Variants in STPG2 observed in about 807,000 individuals in gnomAD.
The protein encoded by STPG2 is sperm tail PG-rich repeat containing 2.
In STPG2, 56 loss-of-function variants were observed where a neutral mutation model predicts 54.2. That is an observed-to-expected ratio of 1.03 (90% confidence interval 0.83 to 1.29). STPG2 has a LOEUF of 1.29. Among genes scored for constraint, STPG2 ranks in the 50% most tolerant of loss-of-function variants. The probability of loss-of-function intolerance (pLI) is 0.00; values close to 1 mark genes in which losing one functional copy is unlikely to be tolerated. For missense variants in STPG2, 596 were observed against 544.9 expected (o/e 1.09, Z -0.93); for synonymous variants, 200 against 181.8 (o/e 1.10, Z -0.81).
At chr4:97,898,647 A>G (rs906165448) in intron 8 of STPG2, among the ~76,000 whole-genome samples, 3 of 151,728 alleles carry the variant, frequency 2.0e-5, no homozygotes, top group Non-Finnish European at 3.0e-5. Flanking sequence ...ATGAGGAGGC[A>G]TTTAGTTTTA....
At chr4:97,943,313 T>A (rs762697478) in intron 8 of STPG2, among the ~76,000 whole-genome samples, 16 of 152,150 alleles carry the variant, frequency 1.1e-4, no homozygotes, top group Non-Finnish European at 1.3e-4. Flanking sequence ...ACATTATCAC[T>A]GGGTCCAACT....
intron 10 of STPG2, among the ~76,000 whole-genome samples, chr4:97,581,293 G>A (rs769995777): frequency 1.3e-5 from 2 of 152,056 alleles, no homozygotes; most frequent in Non-Finnish European, 2.9e-5. Flanking sequence ...ACAAGCTTGG[G>A]CAGTTAGCAC....
chr4:98,081,374 T>C (rs762209453), intron 5 of STPG2, among the ~76,000 whole-genome samples: 2 of 152,080 alleles, frequency 1.3e-5, no homozygotes, highest in Non-Finnish European at 2.9e-5. Flanking sequence ...TCATCGTCCA[T>C]TGAGTTTCCA....
intron 9 of STPG2, among the ~76,000 whole-genome samples, chr4:97,738,865 A>G (rs1435516020): frequency 1.3e-5 from 2 of 152,340 alleles, no homozygotes; most frequent in African/African-American, 4.8e-5. Flanking sequence ...AGTGGACCTA[A>G]TAGACATCTA....
intron 8 of STPG2, among the ~76,000 whole-genome samples, chr4:97,863,034 G>C (rs991496650): frequency 5.4e-4 from 82 of 152,122 alleles, no homozygotes; most frequent in African/African-American, 1.9e-3. Flanking sequence ...ACAATTAAAA[G>C]AACTAGAGAA....
At chr4:97,680,935 T>C (rs1723013340) in intron 10 of STPG2, among the ~76,000 whole-genome samples, 1 of 152,040 alleles carries the variant, frequency 6.6e-6, no homozygotes, top group African/African-American at 2.4e-5. Flanking sequence ...AAATAGGAAT[T>C]TGACTTTAAT....
chr4:97,455,126 AG>A (rs1289026734), intron 4 of STPG2, among the ~76,000 whole-genome samples: 1 of 152,206 alleles, frequency 6.6e-6, no homozygotes, highest in African/African-American at 2.4e-5. Context: ...CACAGACCTC[AG>A]TGTAAAATGC....
At chr4:97,734,600 T>C (rs1255634054) in intron 9 of STPG2, among the ~76,000 whole-genome samples, 3 of 152,192 alleles carry the variant, frequency 2.0e-5, no homozygotes, top group Admixed American at 6.5e-5. Context: ...GTATATCACA[T>C]TGATAAGTTT....
chr4:97,814,543 C>A (rs1727850281), intron 9 of STPG2, among the ~76,000 whole-genome samples: 2 of 151,938 alleles, frequency 1.3e-5, no homozygotes, highest in Non-Finnish European at 2.9e-5. Context: ...GCTAAATGGT[C>A]AGTGTGATGG....
intron 9 of STPG2, among the ~76,000 whole-genome samples, chr4:97,807,740 C>T (rs930393265): frequency 6.6e-6 from 1 of 151,784 alleles, no homozygotes; most frequent in Non-Finnish European, 1.5e-5. Flanking sequence ...TGACTAAGAA[C>T]TTTCTAAAAC....
intron 10 of STPG2, among the ~76,000 whole-genome samples, chr4:97,619,317 T>C (rs1300735140): frequency 6.6e-6 from 1 of 152,108 alleles, no homozygotes; most frequent in Non-Finnish European, 1.5e-5. Context: ...GAAAACCTCA[T>C]TTTGTCCAAG....
chr4:97,741,760 T>C (rs1017325521), intron 9 of STPG2, among the ~76,000 whole-genome samples: 16 of 151,750 alleles, frequency 1.1e-4, no homozygotes, highest in Non-Finnish European at 2.1e-4. Flanking sequence ...TTTTACACTG[T>C]TGGTGGGACT....
At chr4:98,138,902 A>G (rs1220947184) in intron 1 of STPG2, among the ~76,000 whole-genome samples, 1 of 152,166 alleles carries the variant, frequency 6.6e-6, no homozygotes, top group Non-Finnish European at 1.5e-5. Context: ...TATACAGCTG[A>G]TATTTATTAC....
chr4:97,910,196 G>A (rs1417855837), intron 8 of STPG2, among the ~76,000 whole-genome samples: 3 of 152,092 alleles, frequency 2.0e-5, no homozygotes, highest in Admixed American at 6.5e-5. Context: ...ACTCACCACC[G>A]GGTGCTGCAG....
intron 4 of STPG2, among the ~76,000 whole-genome samples, chr4:97,509,242 TC>T (rs1173463721): frequency 6.6e-6 from 1 of 151,928 alleles, no homozygotes; most frequent in African/African-American, 2.4e-5. Context: ...TTTTTTTTTT[TC>T]CCCAGAATTC....
intron 3 of STPG2, among the ~76,000 whole-genome samples, chr4:98,123,024 T>C (rs1455889536): frequency 6.6e-6 from 1 of 152,178 alleles, no homozygotes; most frequent in Non-Finnish European, 1.5e-5. Context: ...TTTGTATTTC[T>C]GTGGGGTCAG....
chr4:97,873,090 C>T (rs1424456439), intron 8 of STPG2, among the ~76,000 whole-genome samples: 1 of 151,262 alleles, frequency 6.6e-6, no homozygotes, highest in East Asian at 1.9e-4. Flanking sequence ...ATGTACACAC[C>T]TATTACCTAT....
intron 8 of STPG2, among the ~76,000 whole-genome samples, chr4:97,906,677 T>C (rs1174002597): frequency 6.6e-6 from 1 of 151,966 alleles, no homozygotes; most frequent in Non-Finnish European, 1.5e-5. Flanking sequence ...CATGATCAAG[T>C]GGGCTTCATC....
intron 10 of STPG2, among the ~76,000 whole-genome samples, chr4:97,564,301 T>C (rs1321442852): frequency 6.6e-6 from 1 of 152,182 alleles, no homozygotes. Context: ...TCTTCCTCCA[T>C]CCTTTCATTT....
Sources: gnomAD v4.1 joint callset for allele counts (sites outside exome capture counted in the v4.1 genomes callset) on GRCh38, gnomAD v4.1.1 for gene constraint, MANE v1.5 for transcripts, NCBI Gene and HGNC (gene_info 2026-07-23, HGNC 2026-07-21) for gene names.